Variants in DPP10 observed in about 807,000 individuals in gnomAD.
DPP10 encodes the protein dipeptidyl peptidase like 10.
A neutral mutation model predicts 120.9 loss-of-function variants in DPP10; 33 were observed. That is an observed-to-expected ratio of 0.27 (90% CI 0.21 to 0.37). The LOEUF (loss-of-function observed/expected upper bound fraction) is 0.37. Among genes scored for constraint, DPP10 ranks in the 10% least tolerant of loss-of-function variants. DPP10 has a pLI of 1.00. For synonymous variants in DPP10, 337 were observed against 326.1 expected, an observed-to-expected ratio of 1.03 and a Z score of -0.36; for missense variants, 816 against 942.8, an observed-to-expected ratio of 0.87 and a Z score of 1.76.
chr2:114,997,476 G>A (rs1210452104), intron 1 of DPP10, among the ~76,000 whole-genome samples: 1 of 147,122 alleles, frequency 6.8e-6, no homozygotes, highest in Non-Finnish European at 1.5e-5. Flanking sequence ...TGAGTACAGA[G>A]CGAGACTCCG....
chr2:115,378,176 T>A (rs932137618), intron 3 of DPP10, among the ~76,000 whole-genome samples: 1 of 152,212 alleles, frequency 6.6e-6, no homozygotes, highest in Non-Finnish European at 1.5e-5. Flanking sequence ...TGATTCTTCC[T>A]ACCCATGAGC....
chr2:115,204,926 A>G (rs1173882739), intron 1 of DPP10, among the ~76,000 whole-genome samples: 1 of 152,004 alleles, frequency 6.6e-6, no homozygotes, highest in East Asian at 1.9e-4. Flanking sequence ...TCCTTTGCCC[A>G]TTTTTTAATG....
At chr2:115,759,818 C>G (rs1346970939) in intron 11 of DPP10, among the ~76,000 whole-genome samples, 1 of 152,042 alleles carries the variant, frequency 6.6e-6, no homozygotes, top group Non-Finnish European at 1.5e-5. Flanking sequence ...CGAGACCAGC[C>G]TGACTAACAT....
intron 10 of DPP10, among the ~76,000 whole-genome samples, chr2:115,749,580 A>G (rs1678439260): frequency 6.6e-6 from 1 of 152,170 alleles, no homozygotes; most frequent in Non-Finnish European, 1.5e-5. Context: ...GTGCCTTCCA[A>G]GAAAATCTAA....
At chr2:115,305,561 G>A (rs544774440) in intron 1 of DPP10, among the ~76,000 whole-genome samples, 11 of 151,810 alleles carry the variant, frequency 7.2e-5, no homozygotes, top group South Asian at 2.1e-4. Flanking sequence ...AGAAGACCTC[G>A]TCTTTACAAA....
intron 4 of DPP10, among the ~76,000 whole-genome samples, chr2:115,503,413 A>G (rs4241135): frequency 0.21 from 31,742 of 152,074 alleles, 3,887 homozygotes; most frequent in East Asian, 0.39. Flanking sequence ...GAAACTTACT[A>G]TTCAGTTTGT....
intron 1 of DPP10, among the ~76,000 whole-genome samples, chr2:115,012,463 G>A (rs573004965): frequency 1.8e-4 from 28 of 152,304 alleles, no homozygotes; most frequent in East Asian, 3.9e-4. Context: ...CAAAGCAGGC[G>A]TTGGTATCCA....
intron 1 of DPP10, among the ~76,000 whole-genome samples, chr2:115,017,856 G>A (rs557279215): frequency 5.9e-4 from 89 of 151,968 alleles, no homozygotes; most frequent in African/African-American, 2.0e-3. Flanking sequence ...CCTGTTGTGG[G>A]GTGGGGGGAG....
intron 5 of DPP10, among the ~76,000 whole-genome samples, chr2:115,602,068 A>T (rs1022698252): frequency 6.6e-6 from 1 of 152,192 alleles, no homozygotes; most frequent in South Asian, 2.1e-4. Flanking sequence ...AATCACCTGT[A>T]TCTTCTCTTT....
intron 1 of DPP10, among the ~76,000 whole-genome samples, chr2:115,175,477 G>T (rs1231358833): frequency 6.6e-6 from 1 of 152,092 alleles, no homozygotes; most frequent in Non-Finnish European, 1.5e-5. Context: ...ACTTGCACAT[G>T]GGGCAAGCTA....
chr2:115,003,402 C>T (rs952246958), intron 1 of DPP10, among the ~76,000 whole-genome samples: 1 of 151,886 alleles, frequency 6.6e-6, no homozygotes, highest in Non-Finnish European at 1.5e-5. Context: ...AGAAAAAATA[C>T]CTTATTGGGT....
At chr2:115,524,882 T>A (rs908471100) in intron 4 of DPP10, among the ~76,000 whole-genome samples, 2 of 152,096 alleles carry the variant, frequency 1.3e-5, no homozygotes, top group Admixed American at 6.6e-5. Flanking sequence ...ACCAAATATA[T>A]ATTTTATTAT....
rs1470095936 is a variant in DPP10, at chr2:114,975,155, C to T, written c.61-334084C>T. ...CAGCCTCCTGGGTTCAAGCGATTCT[C>T]CTGCCTCAGCCACCCAAGTAGCTGG... On this transcript the variant is annotated intron_variant, in intron 1 of 25. Coordinates refer to ENST00000410059, the MANE Select transcript of DPP10 (RefSeq NM_020868.6). 2.0e-5 allele frequency among the ~76,000 whole-genome samples: 3 copies of T among 151,918 alleles called. No homozygotes were observed. In the South Asian group the frequency reaches 6.2e-4, roughly 32 times the overall value.
chr2:115,195,089 A>G (rs2055166911), intron 1 of DPP10, among the ~76,000 whole-genome samples: 1 of 152,170 alleles, frequency 6.6e-6, no homozygotes, highest in Non-Finnish European at 1.5e-5. Context: ...GGACAAACTT[A>G]TGCTGATGAG....
rs974910693 is a variant in DPP10 at position 115,002,821 on chromosome 2, A to C, written c.61-306418A>C. Among the ~76,000 whole-genome samples, 11 of 152,294 alleles carry C rather than the reference A, an allele frequency of 7.2e-5. No homozygotes were observed. The East Asian group carries it at 1.2e-3, about 16-fold the overall frequency. On this transcript the variant is annotated intron_variant, in intron 1 of 25. Transcript: ENST00000410059. ...CAATACGACAATGAGATACCATCTC[A>C]TGCTAGTCATAATGATGACTATTAA...
chr2:115,722,522 C>A (rs2092673149), intron 7 of DPP10, among the ~76,000 whole-genome samples: 1 of 151,908 alleles, frequency 6.6e-6, no homozygotes, highest in Admixed American at 6.6e-5. Context: ...TTTTGTATAG[C>A]CTACTAGGAA....
chr2:115,782,485 A>C, intron 17 of DPP10, 86 bp downstream of exon 17: 1 of 1,293,670 alleles, frequency 7.7e-7, no homozygotes. Flanking sequence ...CATATCCTCT[A>C]TAAATTCTTC....
chr2:114,505,782 C>T (rs539285298), intron 1 of DPP10, among the ~76,000 whole-genome samples: 3 of 152,268 alleles, frequency 2.0e-5, no homozygotes, highest in East Asian at 1.9e-4. Flanking sequence ...TCAGTCTTCT[C>T]GGACTCTCCA....
At chr2:114,665,836 A>G (rs573647560) in intron 1 of DPP10, among the ~76,000 whole-genome samples, 1 of 152,292 alleles carries the variant, frequency 6.6e-6, no homozygotes, top group South Asian at 2.1e-4. Flanking sequence ...AGTACATAGT[A>G]TATATTTACA....
Sources: allele counts gnomAD v4.1 joint callset (sites outside exome capture counted in the v4.1 genomes callset), GRCh38; gene constraint gnomAD v4.1.1; transcripts MANE v1.5; gene names NCBI Gene and HGNC (gene_info 2026-07-23, HGNC 2026-07-21).